Variants in WWOX observed in about 807,000 individuals in gnomAD.
The protein encoded by WWOX is WW domain containing oxidoreductase.
A neutral mutation model predicts 46.2 loss-of-function variants in WWOX; 69 were observed. The ratio of observed to expected loss-of-function variants is 1.49; its 90% CI spans 1.23 to 1.82. The LOEUF is 1.82. Among genes scored for constraint, WWOX ranks in the 40% most tolerant of loss-of-function variants. The pLI, the probability that WWOX is intolerant of heterozygous loss-of-function variation, is 0.00. For synonymous variants in WWOX, 359 were observed against 202.6 expected (o/e 1.77, Z -6.56); for missense variants, 919 against 542.6 (o/e 1.69, Z -6.89).
intron 8 of WWOX, chr16:78,891,103 T>A (rs2044580448): frequency 1.3e-5 from 2 of 152,196 alleles, no homozygotes; most frequent in African/African-American, 4.8e-5. Flanking sequence ...AAAGTGAAAT[T>A]CAGATAATTT....
intron 8 of WWOX, among the ~76,000 whole-genome samples, chr16:78,635,652 C>T (rs545634410): frequency 6.6e-6 from 1 of 152,208 alleles, no homozygotes; most frequent in East Asian, 1.9e-4. Context: ...AATGCTTGAC[C>T]AGCATTCACA....
chr16:78,851,798 T>C (rs1024926966), intron 8 of WWOX, among the ~76,000 whole-genome samples: 1 of 152,246 alleles, frequency 6.6e-6, no homozygotes, highest in Non-Finnish European at 1.5e-5. Flanking sequence ...TTCAAAAGTT[T>C]TATTGTAGGA....
At chr16:78,660,917 C>T (rs1228638460) in intron 8 of WWOX, among the ~76,000 whole-genome samples, 2 of 152,140 alleles carry the variant, frequency 1.3e-5, no homozygotes, top group Non-Finnish European at 2.9e-5. Flanking sequence ...TGTAGCTCAA[C>T]CTCCTAATAC....
At chr16:78,313,063 ACTT>A (rs2080280143) in intron 5 of WWOX, among the ~76,000 whole-genome samples, 1 of 152,212 alleles carries the variant, frequency 6.6e-6, no homozygotes, top group African/African-American at 2.4e-5. Flanking sequence ...TTTTCAGATT[ACTT>A]CTTTTTCAAC....
intron 8 of WWOX, among the ~76,000 whole-genome samples, chr16:78,586,402 G>T (rs1438138838): frequency 2.0e-5 from 3 of 152,114 alleles, no homozygotes; most frequent in Non-Finnish European, 2.9e-5. Flanking sequence ...GGCAAAATGG[G>T]GAGGTAAGGC....
At chr16:79,099,025 C>T (rs79111021) in intron 8 of WWOX, among the ~76,000 whole-genome samples, 123 of 152,062 alleles carry the variant, frequency 8.1e-4, no homozygotes, top group African/African-American at 2.7e-3. Context: ...AGGCTGCTTT[C>T]ACTCCTGGCA....
intron 8 of WWOX, among the ~76,000 whole-genome samples, chr16:78,610,044 C>T (rs1055987617): frequency 3.3e-5 from 5 of 150,566 alleles, no homozygotes; most frequent in East Asian, 2.0e-4. Flanking sequence ...GCTGAATGTC[C>T]GATTGCGATC....
intron 8 of WWOX, chr16:78,825,856 C>T (rs551666247): frequency 8.8e-5 from 56 of 639,750 alleles, no homozygotes; most frequent in Admixed American, 2.4e-4. Flanking sequence ...CCTGGGACCC[C>T]GCTGGTAAGA....
At chr16:78,344,291 A>G (rs2081061605) in intron 5 of WWOX, among the ~76,000 whole-genome samples, 1 of 120,504 alleles carries the variant, frequency 8.3e-6, no homozygotes, top group Non-Finnish European at 2.0e-5. Context: ...CTGGTAAGTG[A>G]TAGCACCCAT....
At chr16:78,705,459 T>C (rs781058895) in intron 8 of WWOX, among the ~76,000 whole-genome samples, 3 of 152,190 alleles carry the variant, frequency 2.0e-5, no homozygotes, top group Non-Finnish European at 2.9e-5. Context: ...GGAGGCTCCT[T>C]CTTTGTTCTG....
At chr16:78,899,581 C>G (rs546932559) in intron 8 of WWOX, 3 of 152,284 alleles carry the variant, frequency 2.0e-5, no homozygotes, top group Middle Eastern at 3.4e-3. Context: ...AAACACTCAT[C>G]CTGAACAACG....
At chr16:78,582,983 A>G (rs2045100249) in intron 8 of WWOX, among the ~76,000 whole-genome samples, 2 of 152,204 alleles carry the variant, frequency 1.3e-5, no homozygotes, top group South Asian at 4.1e-4. Context: ...ATGTTGTCAA[A>G]TGCGCGTTTA....
At chr16:78,374,450 G>A (rs897314217) in intron 5 of WWOX, among the ~76,000 whole-genome samples, 1 of 150,214 alleles carries the variant, frequency 6.7e-6, no homozygotes, top group Admixed American at 6.6e-5. Flanking sequence ...TACTCCAAAT[G>A]ACGCACAAAA....
At chr16:78,147,320 G>C (rs574057554) in intron 4 of WWOX, among the ~76,000 whole-genome samples, 1 of 152,080 alleles carries the variant, frequency 6.6e-6, no homozygotes, top group Non-Finnish European at 1.5e-5. Context: ...ATAAATGTCC[G>C]GTTTGGAGTT....
At chr16:78,306,746 A>C (rs1408983483) in intron 5 of WWOX, among the ~76,000 whole-genome samples, 2 of 149,586 alleles carry the variant, frequency 1.3e-5, no homozygotes, top group African/African-American at 5.0e-5. Flanking sequence ...AGTGAGCCCC[A>C]CTCTGTCCCA....
intron 8 of WWOX, among the ~76,000 whole-genome samples, chr16:78,816,227 G>A (rs905602483): frequency 7.9e-5 from 12 of 152,166 alleles, no homozygotes; most frequent in African/African-American, 2.9e-4. Flanking sequence ...ACGCTGGATA[G>A]GACCAGGAAG....
At chr16:78,438,127 A>G (rs557194564) in intron 8 of WWOX, among the ~76,000 whole-genome samples, 172 of 152,200 alleles carry the variant, frequency 1.1e-3, no homozygotes, top group African/African-American at 4.0e-3. Flanking sequence ...CAGATTGACC[A>G]TTTTCCCAGA....
At chr16:78,415,480 A>G (rs1200236605) in intron 6 of WWOX, among the ~76,000 whole-genome samples, 1 of 152,282 alleles carries the variant, frequency 6.6e-6, no homozygotes, top group Admixed American at 6.5e-5. Context: ...GTGGGAATGC[A>G]GCCCAGTAGG....
intron 1 of WWOX, among the ~76,000 whole-genome samples, chr16:78,107,671 GA>G (rs954657671): frequency 3.1e-4 from 47 of 152,240 alleles, no homozygotes; most frequent in African/African-American, 1.1e-3. Flanking sequence ...TACATCTGTG[GA>G]AAGAATAAAC....
Sources: gnomAD v4.1 joint callset for allele counts (sites outside exome capture counted in the v4.1 genomes callset) on GRCh38, gnomAD v4.1.1 for gene constraint, MANE v1.5 for transcripts, NCBI Gene and HGNC (gene_info 2026-07-23, HGNC 2026-07-21) for gene names.